The following STARD13 variants were observed in gnomAD, a reference collection of about 807,000 sequenced individuals.
The protein encoded by STARD13 is stAR-related lipid transfer protein 13.
A neutral mutation model predicts 106.4 loss-of-function variants in STARD13; 62 were observed. That is an observed-to-expected ratio of 0.58 (90% CI 0.48 to 0.72). The LOEUF (loss-of-function observed/expected upper bound fraction) is 0.72. Among genes scored for constraint, STARD13 ranks in the 30% least tolerant of loss-of-function variants. The pLI is 0.00. For missense variants in STARD13, 1,387 were observed against 1,424.0 expected (o/e 0.97, Z 0.42); for synonymous variants, 565 against 553.0 (o/e 1.02, Z -0.31).
intron 1 of STARD13, among the ~76,000 whole-genome samples, chr13:33,252,084 A>T (rs746908060): frequency 1.3e-5 from 2 of 152,242 alleles, no homozygotes; most frequent in Non-Finnish European, 2.9e-5. Context: ...TATTTCCTAC[A>T]TGATAAATGG....
chr13:33,202,953 A>T (rs1264864918), intron 1 of STARD13, among the ~76,000 whole-genome samples: 1 of 152,240 alleles, frequency 6.6e-6, no homozygotes, highest in Non-Finnish European at 1.5e-5. Context: ...GGCAGAATTT[A>T]TTAAGAAAGG....
chr13:33,125,981 C>T, intron 7 of STARD13, 100 bp downstream of exon 7: 10 of 1,350,676 alleles, frequency 7.4e-6, no homozygotes, highest in African/African-American at 1.4e-5. Flanking sequence ...TGAGGCATGT[C>T]TTGCCTGATA....
the STARD13 span, among the ~76,000 whole-genome samples, chr13:33,620,819 A>G: frequency 6.6e-6 from 1 of 150,950 alleles, no homozygotes; most frequent in African/African-American, 2.4e-5. Context: ...TATAATAAAA[A>G]ATTTAATACA....
At chr13:33,147,599 C>A (rs575154605) in intron 3 of STARD13, among the ~76,000 whole-genome samples, 8 of 152,306 alleles carry the variant, frequency 5.3e-5, no homozygotes, top group South Asian at 2.1e-4. Flanking sequence ...CAGATAGCAA[C>A]AATGACCACC....
chr13:33,370,588 A>G, the STARD13 span, among the ~76,000 whole-genome samples: 1 of 148,528 alleles, frequency 6.7e-6, no homozygotes, highest in Non-Finnish European at 1.5e-5. Context: ...CCTTTGACAT[A>G]CTTTCTTTTC....
chr13:33,483,163 G>A, the STARD13 span, among the ~76,000 whole-genome samples: 1 of 152,184 alleles, frequency 6.6e-6, no homozygotes, highest in Non-Finnish European at 1.5e-5. Flanking sequence ...AACCTACCTA[G>A]AGAACTTTAA....
At chr13:33,188,090 A>T (rs1885938307) in intron 1 of STARD13, 1 of 152,244 alleles carries the variant, frequency 6.6e-6, no homozygotes, top group Non-Finnish European at 1.5e-5. Context: ...GGCCATGGGA[A>T]AGAGCACTGG....
At chr13:33,228,866 G>A (rs528850321) in intron 1 of STARD13, among the ~76,000 whole-genome samples, 1 of 152,278 alleles carries the variant, frequency 6.6e-6, no homozygotes, top group African/African-American at 2.4e-5. Context: ...TAATTGGTAC[G>A]TAACCTCACA....
chr13:33,621,091 A>C, the STARD13 span, among the ~76,000 whole-genome samples: 1 of 151,964 alleles, frequency 6.6e-6, no homozygotes, highest in Admixed American at 6.5e-5. Context: ...AGAGCAAACT[A>C]AACTTAAAGT....
intron 1 of STARD13, among the ~76,000 whole-genome samples, chr13:33,198,474 A>C (rs1290594116): frequency 6.6e-6 from 1 of 151,998 alleles, no homozygotes; most frequent in Non-Finnish European, 1.5e-5. Context: ...TCTTCCCTCA[A>C]GTTCTTTCTC....
rs192124853 is a variant in STARD13 at position 33,278,982 on chromosome 13, C to T, written c.169+6488G>A. 2.9e-3 allele frequency among the ~76,000 whole-genome samples: 449 copies of T among 152,214 alleles called. 2 individuals are homozygous for T. Among genetic ancestry groups the T allele is most frequent in the Middle Eastern group, 0.014 (4 of 294 alleles). Reference sequence around the variant, plus strand: ...CTTTCCCCATACCAAAATCATATTTCAATTGCTCCAAGGGAGACGGCAAAT... The same window carrying T: ...CTTTCCCCATACCAAAATCATATTTTAATTGCTCCAAGGGAGACGGCAAAT... On this transcript the variant is annotated intron_variant, in intron 1 of 13. Coordinates refer to ENST00000336934, the MANE Select transcript of STARD13 (RefSeq NM_178006.4).
the STARD13 span, among the ~76,000 whole-genome samples, chr13:33,492,217 C>T: frequency 6.6e-6 from 1 of 152,162 alleles, no homozygotes; most frequent in Non-Finnish European, 1.5e-5. Context: ...GTGCAGGTCA[C>T]AGGGGATATG....
the STARD13 span, among the ~76,000 whole-genome samples, chr13:33,446,464 T>C: frequency 6.6e-6 from 1 of 152,106 alleles, no homozygotes. Flanking sequence ...ATAGATTATA[T>C]AGTTTTAAAT....
At chr13:33,655,438 C>G in the STARD13 span, among the ~76,000 whole-genome samples, 1 of 152,152 alleles carries the variant, frequency 6.6e-6, no homozygotes. Flanking sequence ...CCATAATAAA[C>G]GGTGACTTTG....
chr13:33,128,913 A>G lies in STARD13; in HGVS notation c.1748+16T>C, dbSNP rs1566005676. 6.3e-7 allele frequency: 1 copy of G among 1,575,198 alleles called. No individual in the cohort carries two copies. Among genetic ancestry groups the G allele is most frequent in the Non-Finnish European group, 8.6e-7 (1 of 1,164,124 alleles). Reference sequence around the variant, plus strand: ...GAAATGGATGAAAAATCATTTCACAAGTGCATGCCACCTACCTGTTTGGCC... The same window carrying G: ...GAAATGGATGAAAAATCATTTCACAGGTGCATGCCACCTACCTGTTTGGCC... On this transcript the variant is annotated intron_variant, in intron 5 of 13. Coordinates refer to ENST00000336934, the MANE Select transcript of STARD13 (RefSeq NM_178006.4).
the STARD13 span, among the ~76,000 whole-genome samples, chr13:33,484,003 A>C: frequency 1.3e-5 from 2 of 152,256 alleles, no homozygotes; most frequent in Non-Finnish European, 2.9e-5. Context: ...ATTATTAAAA[A>C]ATTCCAATAC....
At position 33,105,662 on chromosome 13, in the gene STARD13, T is replaced by G; in HGVS notation, c.3273A>C (p.Ala1091=). The G allele has an allele frequency of 3.1e-6, 5 of 1,614,260 alleles. No individual in the cohort carries two copies. The Admixed American group carries it at 6.7e-5, about 22-fold the overall frequency. Residue 1091 remains alanine, a synonymous_variant, in exon 14 of 14, where the codon GCA becomes GCC. Coordinates refer to ENST00000336934, the MANE Select transcript of STARD13 (RefSeq NM_178006.4). Reference sequence around the variant, plus strand: ...AGTTTCTAATCCTGGCAACTTCTGCTGCACACAGATGTCCAAAGCCTTTGC... The same window carrying G: ...AGTTTCTAATCCTGGCAACTTCTGCGGCACACAGATGTCCAAAGCCTTTGC... The part of the protein sequence containing the change: ...WYSKGFGHLC[A]AEVARIRNSF...
chr13:33,281,726 A>G (rs61943574), intron 1 of STARD13: 2,545 of 152,364 alleles, frequency 0.017, 40 homozygotes, highest in Non-Finnish European at 0.026. Context: ...CCAGTCACAC[A>G]AAGTGAATCA....
At chr13:33,184,152 T>C (rs1885525400) in intron 1 of STARD13, among the ~76,000 whole-genome samples, 1 of 152,124 alleles carries the variant, frequency 6.6e-6, no homozygotes, top group Non-Finnish European at 1.5e-5. Context: ...CCTGAACCCT[T>C]CTGATAATTA....
Sources: gnomAD v4.1 joint callset for allele counts (sites outside exome capture counted in the v4.1 genomes callset) on GRCh38, gnomAD v4.1.1 for gene constraint, MANE v1.5 for transcripts, NCBI Gene and HGNC (gene_info 2026-07-23, HGNC 2026-07-21) for gene names.